The following HDAC9 variants were observed in gnomAD, a reference collection of about 807,000 sequenced individuals.
The protein encoded by HDAC9 is histone deacetylase 9, also known as MEF-2 interacting transcription repressor (MITR) protein.
Under a neutral mutation model 139.4 loss-of-function variants are expected in HDAC9, and 41 were observed. That is an observed-to-expected ratio of 0.29 (90% CI 0.23 to 0.38). HDAC9 has a LOEUF of 0.38. Among genes scored for constraint, HDAC9 ranks in the 10% least tolerant of loss-of-function variants. HDAC9 has a pLI of 1.00. For synonymous variants in HDAC9, 517 were observed against 476.2 expected, an observed-to-expected ratio of 1.09 and a Z score of -1.12; for missense variants, 1,147 against 1,297.0, an observed-to-expected ratio of 0.88 and a Z score of 1.78.
intron 17 of HDAC9, among the ~76,000 whole-genome samples, chr7:18,801,299 T>C (rs1286331755): frequency 6.6e-6 from 1 of 152,112 alleles, no homozygotes; most frequent in Non-Finnish European, 1.5e-5. Context: ...AGAATTTTCT[T>C]TCTCCTGTGA....
chr7:18,091,804 G>A (rs372225828), intron 1 of HDAC9, among the ~76,000 whole-genome samples: 1 of 152,282 alleles, frequency 6.6e-6, no homozygotes, highest in East Asian at 1.9e-4. Flanking sequence ...ATCTCATAGT[G>A]GCTGTAGGAC....
chr7:18,388,203 A>G (rs1234922979), intron 1 of HDAC9, among the ~76,000 whole-genome samples: 4 of 152,194 alleles, frequency 2.6e-5, no homozygotes, highest in Admixed American at 2.6e-4. Context: ...AAGATAATCA[A>G]ATAAGACCAT....
intron 1 of HDAC9, among the ~76,000 whole-genome samples, chr7:18,418,542 A>G (rs1365189694): frequency 1.3e-5 from 2 of 152,088 alleles, no homozygotes; most frequent in Non-Finnish European, 2.9e-5. Flanking sequence ...CCAAAGTCAC[A>G]TGAAAGTATG....
chr7:18,149,282 AAAG>A (rs1244782318), intron 1 of HDAC9, among the ~76,000 whole-genome samples: 7 of 151,600 alleles, frequency 4.6e-5, no homozygotes, highest in African/African-American at 1.4e-4. Flanking sequence ...AGAAAAAAGA[AAAG>A]AAAAAATAAT....
chr7:18,549,894 T>C (rs1816535028), intron 2 of HDAC9, among the ~76,000 whole-genome samples: 2 of 152,186 alleles, frequency 1.3e-5, no homozygotes, highest in Non-Finnish European at 2.9e-5. Context: ...GTTTCTACTT[T>C]TGCAGGATTT....
intron 16 of HDAC9, among the ~76,000 whole-genome samples, chr7:18,767,518 C>T (rs529490663): frequency 2.6e-5 from 4 of 152,312 alleles, no homozygotes; most frequent in Non-Finnish European, 5.9e-5. Flanking sequence ...AGCAGAATTC[C>T]ATTTTCAATA....
intron 1 of HDAC9, among the ~76,000 whole-genome samples, chr7:18,303,235 T>TG (rs111275329): frequency 2.0e-5 from 3 of 152,200 alleles, no homozygotes; most frequent in African/African-American, 4.8e-5. Context: ...CTTTTTTTTT[T>TG]GAGACGGAGT....
In HDAC9 at chr7:18,478,755, A is replaced by G. The variant is rs111530182; in HGVS notation, c.-41-17507A>G. Among the ~76,000 whole-genome samples, 1,310 of 152,268 alleles carry G rather than the reference A, an allele frequency of 8.6e-3. 18 individuals carry two copies. The highest frequency in any genetic ancestry group is 0.03 in the African/African-American group (1,232 of 41,546). On this transcript the variant is annotated intron_variant, in intron 1 of 3. Transcript: ENST00000413509. ...GTAACAAAATAAACTTTCACTATCA[A>G]TGTATCAGAGTCCTTATTACTCAGC...
At chr7:18,432,157 C>T (rs1790736596) in intron 1 of HDAC9, among the ~76,000 whole-genome samples, 2 of 152,182 alleles carry the variant, frequency 1.3e-5, no homozygotes, top group Non-Finnish European at 2.9e-5. Flanking sequence ...AAGAGTTGCA[C>T]CTCCATCCAC....
At chr7:18,734,419 C>T (rs917978305) in intron 13 of HDAC9, among the ~76,000 whole-genome samples, 1 of 152,098 alleles carries the variant, frequency 6.6e-6, no homozygotes, top group African/African-American at 2.4e-5. Context: ...GTGATGATCC[C>T]CGCCCTGAGT....
At chr7:18,154,836 C>T (rs1787058371) in intron 1 of HDAC9, among the ~76,000 whole-genome samples, 1 of 152,206 alleles carries the variant, frequency 6.6e-6, no homozygotes, top group African/African-American at 2.4e-5. Context: ...GCTAGCTGAT[C>T]ATAACCCATG....
intron 11 of HDAC9, among the ~76,000 whole-genome samples, chr7:18,649,240 G>T (rs796820762): frequency 6.6e-6 from 1 of 152,100 alleles, no homozygotes; most frequent in Admixed American, 6.6e-5. Flanking sequence ...TGTCTGTACC[G>T]TACCACATCC....
At chr7:18,476,600 C>G (rs2128124309) in intron 1 of HDAC9, among the ~76,000 whole-genome samples, 1 of 152,022 alleles carries the variant, frequency 6.6e-6, no homozygotes, top group South Asian at 2.1e-4. Flanking sequence ...ACTTTAAGGC[C>G]TGAAGCATTA....
chr7:18,155,722 G>A (rs1787141049), intron 1 of HDAC9, among the ~76,000 whole-genome samples: 1 of 152,156 alleles, frequency 6.6e-6, no homozygotes, highest in Non-Finnish European at 1.5e-5. Context: ...TGGGTGACAT[G>A]TTCTGCTCCT....
intron 14 of HDAC9, among the ~76,000 whole-genome samples, chr7:18,752,093 C>G (rs578249817): frequency 4.7e-4 from 71 of 152,234 alleles, no homozygotes; most frequent in African/African-American, 1.5e-3. Flanking sequence ...GCTAAACTTT[C>G]TATTTCATGC....
At chr7:18,460,081 C>T (rs1317635878) in intron 1 of HDAC9, among the ~76,000 whole-genome samples, 1 of 151,910 alleles carries the variant, frequency 6.6e-6, no homozygotes, top group Non-Finnish European at 1.5e-5. Context: ...TACCACGCAC[C>T]ACTGATCTTT....
At chr7:18,105,637 G>T (rs1158714377) in intron 1 of HDAC9, among the ~76,000 whole-genome samples, 1 of 151,078 alleles carries the variant, frequency 6.6e-6, no homozygotes, top group East Asian at 1.9e-4. Context: ...AAACTCTGGT[G>T]TTGGTATGAA....
rs115318626 is a variant in HDAC9 at position 18,294,750 on chromosome 7, T to C, written c.-42+4235T>C. Among the ~76,000 whole-genome samples, 1,275 of 152,044 alleles carry C rather than the reference T, an allele frequency of 8.4e-3. 17 individuals carry two copies. Among genetic ancestry groups the C allele is most frequent in the African/African-American group, 0.029 (1,199 of 41,464 alleles). ...TAATATTTTTAAACTAGTTGCAGAG[T>C]GGAGAATAGATTCGTGAAGAGCAAG... is the stretch of plus-strand genomic sequence containing the variant. On this transcript the variant is annotated intron_variant, in intron 1 of 3. Transcript: ENST00000413509.
intron 14 of HDAC9, 127 bp from the exon 15 acceptor site, chr7:18,762,030 A>T: frequency 2.0e-6 from 2 of 1,002,380 alleles, no homozygotes; most frequent in South Asian, 3.0e-5. Context: ...TTACTAAGCA[A>T]ATCAGTGTCA....
Sources: gnomAD v4.1 joint callset for allele counts (sites outside exome capture counted in the v4.1 genomes callset) on GRCh38, gnomAD v4.1.1 for gene constraint, MANE v1.5 for transcripts, NCBI Gene and HGNC (gene_info 2026-07-23, HGNC 2026-07-21) for gene names.